Variants in PLSCR2 observed in about 807,000 individuals in gnomAD.
PLSCR2 encodes the protein phospholipid scramblase 2.
Under a neutral mutation model 25.3 loss-of-function variants are expected in PLSCR2, and 18 were observed. The observed-to-expected ratio is 0.71, with a 90% CI of 0.49 to 1.06. The LOEUF is 1.06. Among genes scored for constraint, PLSCR2 ranks in the 50% least tolerant of loss-of-function variants. The probability of loss-of-function intolerance (pLI) is 0.00; values close to 1 mark genes in which losing one functional copy is unlikely to be tolerated. For missense variants in PLSCR2, 243 were observed against 269.5 expected (o/e 0.90, Z 0.69); for synonymous variants, 88 against 87.3 (o/e 1.01, Z -0.04).
Position 146,449,370 on chromosome 3 carries a change from A to C in PLSCR2, c.484-3T>G, listed in dbSNP as rs374029899. On this transcript the variant is annotated splice_polypyrimidine_tract_variant and splice_region_variant and intron_variant, in intron 5 of 6. Coordinates refer to ENST00000610787, the Ensembl canonical transcript of PLSCR2. ...ATTTGTTCATCAAGAGATGTAATCTAAATTGCAAAAAAAAAAAAAACTTAA... is the reference window on the plus strand; with the variant it reads ...ATTTGTTCATCAAGAGATGTAATCTCAATTGCAAAAAAAAAAAAAACTTAA... 4.5e-6 allele frequency: 7 copies of C among 1,555,926 alleles called. No homozygotes were observed. Among genetic ancestry groups the C allele is most frequent in the African/African-American group, 1.4e-5 (1 of 71,974 alleles).
chr3:146,467,226 G>A (rs566840176), intron 1 of PLSCR2, among the ~76,000 whole-genome samples: 1 of 152,090 alleles, frequency 6.6e-6, no homozygotes, highest in African/African-American at 2.4e-5. Context: ...AAGGAATATT[G>A]ATCAACTAGA....
chr3:146,478,857 A>T (rs180700989), intron 1 of PLSCR2, among the ~76,000 whole-genome samples: 8 of 152,344 alleles, frequency 5.3e-5, no homozygotes, highest in African/African-American at 1.9e-4. Flanking sequence ...AGGTCGGGTT[A>T]CCCACAAAGG....
intron 2 of PLSCR2, among the ~76,000 whole-genome samples, chr3:146,405,204 A>C (rs1406960385): frequency 6.6e-6 from 1 of 152,158 alleles, no homozygotes; most frequent in African/African-American, 2.4e-5. Context: ...AAAGTAGGCA[A>C]AAAGTTAAAA....
chr3:146,478,193 C>T (rs1049678359), intron 1 of PLSCR2, among the ~76,000 whole-genome samples: 9 of 152,166 alleles, frequency 5.9e-5, no homozygotes, highest in South Asian at 2.1e-4. Context: ...TCCAAAGGAT[C>T]GCAACTGCTC....
chr3:146,488,051 C>G (rs571671108), intron 1 of PLSCR2, among the ~76,000 whole-genome samples: 1 of 152,092 alleles, frequency 6.6e-6, no homozygotes, highest in East Asian at 1.9e-4. Flanking sequence ...TTTGACAAAC[C>G]TGACAAAAAC....
chr3:146,485,113 GA>G (rs34815576), intron 1 of PLSCR2, among the ~76,000 whole-genome samples: 46,687 of 134,044 alleles, frequency 0.35, 7,226 homozygotes, highest in South Asian at 0.44. Flanking sequence ...CAACTGGAAA[GA>G]AAAAAAAAAA....
exon 9 of PLSCR2, chr3:146,433,490 C>A (rs574266413): frequency 4.6e-5 from 7 of 152,194 alleles, no homozygotes; most frequent in Non-Finnish European, 7.4e-5. Context: ...GTTATAGTTT[C>A]ATTTTGCCTA....
chr3:146,411,107 G>T (rs932792268), intron 2 of PLSCR2, among the ~76,000 whole-genome samples: 1 of 151,782 alleles, frequency 6.6e-6, no homozygotes, highest in Non-Finnish European at 1.5e-5. Context: ...GATTCTCCAA[G>T]AAACCTGAAC....
At chr3:146,442,789 C>A (rs1275600722) in intron 6 of PLSCR2, among the ~76,000 whole-genome samples, 1 of 151,908 alleles carries the variant, frequency 6.6e-6, no homozygotes, top group Admixed American at 6.6e-5. Context: ...TCATTTCACA[C>A]CATATACAAA....
intron 2 of PLSCR2, among the ~76,000 whole-genome samples, chr3:146,406,218 C>T (rs959411063): frequency 2.6e-5 from 4 of 152,180 alleles, no homozygotes; most frequent in African/African-American, 9.7e-5. Context: ...CCTGTCTAAT[C>T]AGGGCAGAAA....
In PLSCR2 at chr3:146,483,470, T is replaced by C. The variant is rs945722892; in HGVS notation, c.-293+12425A>G. Among the ~76,000 whole-genome samples, 324 of 49,476 alleles carry C rather than the reference T, an allele frequency of 6.5e-3. 10 individuals carry two copies. The East Asian group carries it at 0.097, about 15-fold the overall frequency. 32.5% of individuals were successfully genotyped at this position (49,476 alleles called of 152,430 possible). ...ACATGTATGTATATATATATATATA[T>C]ATACATGTGTATATATATATATATA... is the stretch of plus-strand genomic sequence containing the variant. On this transcript the variant is annotated intron_variant, in intron 1 of 8. Coordinates refer to the PLSCR2 transcript ENST00000336685.
At chr3:146,420,075 G>C (rs1298275890) in intron 2 of PLSCR2, among the ~76,000 whole-genome samples, 1 of 152,040 alleles carries the variant, frequency 6.6e-6, no homozygotes, top group Non-Finnish European at 1.5e-5. Context: ...ATGTCACAAA[G>C]CTCACTCTTC....
intron 6 of PLSCR2, among the ~76,000 whole-genome samples, chr3:146,444,499 CT>C (rs2040428926): frequency 6.6e-6 from 1 of 151,614 alleles, no homozygotes; most frequent in African/African-American, 2.4e-5. Flanking sequence ...AAATTGACCC[CT>C]GTATCATTAC....
chr3:146,440,165 T>A (rs2040145479), downstream of PLSCR2, among the ~76,000 whole-genome samples: 1 of 152,196 alleles, frequency 6.6e-6, no homozygotes, highest in Admixed American at 6.5e-5. Flanking sequence ...CCTGGCTATA[T>A]GAGGTGTCAA....
intron 1 of PLSCR2, among the ~76,000 whole-genome samples, chr3:146,479,509 T>C (rs775548720): frequency 1.3e-5 from 2 of 152,094 alleles, no homozygotes; most frequent in African/African-American, 4.8e-5. Context: ...CATTACATAA[T>C]GGTAAAGGGA....
At chr3:146,464,255 C>G (rs1420343839), upstream of PLSCR2, among the ~76,000 whole-genome samples, 8 of 152,184 alleles carry the variant, frequency 5.3e-5, no homozygotes, top group Non-Finnish European at 4.4e-5. Flanking sequence ...TTCCTGGTCT[C>G]CAGTTTACAG....
At chr3:146,394,821 G>A (rs2038218737) in intron 3 of PLSCR2, among the ~76,000 whole-genome samples, 1 of 152,186 alleles carries the variant, frequency 6.6e-6, no homozygotes, top group Non-Finnish European at 1.5e-5. Flanking sequence ...AAGTGGGGAG[G>A]GAGGGAAGTG....
At chr3:146,418,843 T>C (rs2108066764) in intron 2 of PLSCR2, among the ~76,000 whole-genome samples, 1 of 152,296 alleles carries the variant, frequency 6.6e-6, no homozygotes, top group African/African-American at 2.4e-5. Context: ...TAATGCCAAC[T>C]TCATTCCTGG....
intron 2 of PLSCR2, among the ~76,000 whole-genome samples, chr3:146,423,949 CCA>C (rs2039247823): frequency 6.6e-6 from 1 of 152,022 alleles, no homozygotes; most frequent in South Asian, 2.1e-4. Flanking sequence ...AAATAAATTA[CCA>C]CAGACCAGAG....
Sources: allele counts gnomAD v4.1 joint callset (sites outside exome capture counted in the v4.1 genomes callset), GRCh38; gene constraint gnomAD v4.1.1; transcripts MANE v1.5; gene names NCBI Gene and HGNC (gene_info 2026-07-23, HGNC 2026-07-21).